Variants in SAMTOR observed in about 807,000 individuals in gnomAD.
SAMTOR encodes S-adenosylmethionine sensor upstream of mTORC1, also known as UPF0532 protein C7orf60.
At chr7:112,927,142 C>CT in the SAMTOR span, among the ~76,000 whole-genome samples, 1 of 151,806 alleles carries the variant, frequency 6.6e-6, no homozygotes, top group East Asian at 1.9e-4. Context: ...TCAAAGTAAT[C>CT]TATGATTCAG....
At chr7:112,868,940 G>A in the SAMTOR span, among the ~76,000 whole-genome samples, 2 of 152,164 alleles carry the variant, frequency 1.3e-5, no homozygotes, top group Non-Finnish European at 2.9e-5. Flanking sequence ...TGGGTGTCCC[G>A]GGCTGCTTCC....
chr7:112,833,240 A>C, the SAMTOR span, among the ~76,000 whole-genome samples: 13 of 152,224 alleles, frequency 8.5e-5, no homozygotes, highest in African/African-American at 2.9e-4. Flanking sequence ...TCAGAGTGAG[A>C]GTAAAAAACA....
At chr7:112,834,266 A>G in the SAMTOR span, among the ~76,000 whole-genome samples, 1 of 152,176 alleles carries the variant, frequency 6.6e-6, no homozygotes, top group Non-Finnish European at 1.5e-5. Flanking sequence ...AAAACTGTCA[A>G]TAGTTTTGAT....
the SAMTOR span, among the ~76,000 whole-genome samples, chr7:112,882,428 C>A: frequency 6.6e-6 from 1 of 152,130 alleles, no homozygotes; most frequent in Non-Finnish European, 1.5e-5. Flanking sequence ...TAGTAGCTCA[C>A]GCCTGTAATC....
At chr7:112,841,543 A>C in the SAMTOR span, among the ~76,000 whole-genome samples, 1 of 152,126 alleles carries the variant, frequency 6.6e-6, no homozygotes. Flanking sequence ...TCAAGCTACT[A>C]TTGACTTTCT....
At chr7:112,915,527 ATTAT>A in the SAMTOR span, 1 of 1,175,054 alleles carries the variant, frequency 8.5e-7, no homozygotes, top group Non-Finnish European at 1.1e-6. Flanking sequence ...ACAATCTGAA[ATTAT>A]TTAAAGATAA....
chr7:112,841,914 T>C, the SAMTOR span, among the ~76,000 whole-genome samples: 1 of 152,114 alleles, frequency 6.6e-6, no homozygotes, highest in Non-Finnish European at 1.5e-5. Flanking sequence ...TTACACCTTA[T>C]ACAAAAATTA....
chr7:112,920,715 C>G, the SAMTOR span, among the ~76,000 whole-genome samples: 220 of 146,778 alleles, frequency 1.5e-3, 1 homozygote, highest in African/African-American at 5.2e-3. Context: ...TGTCTCAGCC[C>G]AAAATCTCCT....
chr7:112,924,304 T>G, the SAMTOR span, among the ~76,000 whole-genome samples: 1 of 152,140 alleles, frequency 6.6e-6, no homozygotes, highest in Non-Finnish European at 1.5e-5. Context: ...TCTAAGAGGT[T>G]TTTTTTAAAC....
chr7:112,824,192 T>C, the SAMTOR span, among the ~76,000 whole-genome samples: 2 of 152,282 alleles, frequency 1.3e-5, no homozygotes, highest in East Asian at 3.9e-4. Flanking sequence ...TGAAGACTAA[T>C]TTATCAATTT....
the SAMTOR span, among the ~76,000 whole-genome samples, chr7:112,918,124 C>T: frequency 6.6e-6 from 1 of 152,114 alleles, no homozygotes; most frequent in African/African-American, 2.4e-5. Flanking sequence ...TAAAGAAGAG[C>T]AACTCCAAGA....
chr7:112,840,913 G>A, the SAMTOR span, among the ~76,000 whole-genome samples: 82 of 150,346 alleles, frequency 5.5e-4, no homozygotes, highest in African/African-American at 1.8e-3. Context: ...CAATAAACTA[G>A]GTATTGGTGG....
chr7:112,911,768 G>A, the SAMTOR span, among the ~76,000 whole-genome samples: 1 of 151,634 alleles, frequency 6.6e-6, no homozygotes, highest in Non-Finnish European at 1.5e-5. Flanking sequence ...TGGGAAAAAT[G>A]GTATCTTAAA....
chr7:112,904,067 G>A, the SAMTOR span, among the ~76,000 whole-genome samples: 12 of 152,162 alleles, frequency 7.9e-5, no homozygotes, highest in South Asian at 1.7e-3. Context: ...TATCATAGCA[G>A]CCATCTTTAC....
chr7:112,836,640 T>C, the SAMTOR span, among the ~76,000 whole-genome samples: 4 of 152,154 alleles, frequency 2.6e-5, no homozygotes, highest in African/African-American at 9.7e-5. Flanking sequence ...AGTTTATTTT[T>C]GTGTATGGTG....
At chr7:112,870,332 TGAG>T in the SAMTOR span, among the ~76,000 whole-genome samples, 12 of 152,282 alleles carry the variant, frequency 7.9e-5, no homozygotes, top group African/African-American at 2.6e-4. Flanking sequence ...AATAGATTTC[TGAG>T]GAGAAATCTT....
At chr7:112,924,808 T>C in the SAMTOR span, among the ~76,000 whole-genome samples, 1 of 60,470 alleles carries the variant, frequency 1.7e-5, no homozygotes, top group Non-Finnish European at 3.8e-5. Flanking sequence ...TTTAATATAA[T>C]GGCCAATGTT....
the SAMTOR span, among the ~76,000 whole-genome samples, chr7:112,828,786 C>A: frequency 1.3e-5 from 2 of 152,104 alleles, no homozygotes; most frequent in African/African-American, 4.8e-5. Flanking sequence ...TCTTATAATA[C>A]AAGCTTGCTA....
At chr7:112,823,162 T>C in the SAMTOR span, among the ~76,000 whole-genome samples, 1 of 152,150 alleles carries the variant, frequency 6.6e-6, no homozygotes, top group Non-Finnish European at 1.5e-5. Context: ...GCCGGCCACA[T>C]AGTCATCTGG....
Sources: allele counts gnomAD v4.1 joint callset (sites outside exome capture counted in the v4.1 genomes callset), GRCh38; gene constraint gnomAD v4.1.1; transcripts MANE v1.5; gene names NCBI Gene and HGNC (gene_info 2026-07-23, HGNC 2026-07-21).